TOM1: variants seen among roughly 807,000 people sequenced by gnomAD.
TOM1 encodes target of myb1 membrane trafficking protein, also known as target of Myb protein 1.
In TOM1, 38 loss-of-function variants were observed where a neutral mutation model predicts 61.3. That is an observed-to-expected ratio of 0.62 (90% CI 0.48 to 0.81). The LOEUF is 0.81. Among genes scored for constraint, TOM1 ranks in the 40% least tolerant of loss-of-function variants. TOM1 has a pLI of 0.00. For missense variants in TOM1, 591 were observed against 659.6 expected, an observed-to-expected ratio of 0.90 and a Z score of 1.14; for synonymous variants, 270 against 268.8, an observed-to-expected ratio of 1.00 and a Z score of -0.04.
In TOM1 at chr22:35,347,314, G is replaced by A; in HGVS notation, c.*105G>A. ...GTTAAGGCTGCTTTGGGGGTGGCTT[G>A]TTACCCCCTTTTCCTCCTCTTTGAA... is the stretch of plus-strand genomic sequence containing the variant. On this transcript the variant is annotated 3_prime_UTR_variant, in exon 15 of 15. Transcript: ENST00000449058. 3 of 1,266,226 alleles carry A rather than the reference G, an allele frequency of 2.4e-6. No individual in the cohort carries two copies. Among genetic ancestry groups the A allele is most frequent in the South Asian group, 3.2e-5 (2 of 61,842 alleles). 78.4% of individuals were successfully genotyped at this position (1,266,226 alleles called of 1,614,324 possible).
intron 10 of TOM1, among the ~76,000 whole-genome samples, chr22:35,333,717 C>G (rs529084693): frequency 4.1e-4 from 63 of 152,258 alleles, no homozygotes; most frequent in African/African-American, 1.4e-3. Context: ...CTCAGAAATC[C>G]TACCATCCTA....
chr22:35,300,019 T>C, intron 1 of TOM1, 39 bp downstream of exon 1: 1 of 1,551,896 alleles, frequency 6.4e-7, no homozygotes, highest in South Asian at 1.2e-5. Context: ...GCCCCGGTGC[T>C]CCGCACCCAG....
intron 8 of TOM1, among the ~76,000 whole-genome samples, chr22:35,331,113 T>G (rs971138528): frequency 2.1e-5 from 3 of 143,048 alleles, no homozygotes; most frequent in African/African-American, 8.6e-5. Context: ...TTTTTTTTTT[T>G]GAGGCACGAT....
chr22:35,346,021 C>T (rs947971175), intron 13 of TOM1, among the ~76,000 whole-genome samples: 1 of 152,214 alleles, frequency 6.6e-6, no homozygotes, highest in African/African-American at 2.4e-5. Context: ...AAGGTGAGGT[C>T]CCAGTGGGTG....
chr22:35,323,809 G>A lies in TOM1; in HGVS notation c.543G>A (p.Val181=). The A allele has an allele frequency of 6.2e-7, 1 of 1,613,054 alleles. No homozygotes were observed. Among genetic ancestry groups the A allele is most frequent in the Non-Finnish European group, 8.5e-7 (1 of 1,179,484 alleles). ...NSETQSGQDS[V]GTDSSQQEDS... ...AGACACAATCAGGACAGGATTCTGT[G>A]GGCACTGACTCCAGCCAGCAAGAGG... Residue 181 remains valine, a synonymous_variant, in exon 6 of 15, where the codon GTG becomes GTA. Coordinates refer to ENST00000449058, the MANE Select transcript of TOM1 (RefSeq NM_005488.3). The surrounding 1 kb of genome is among the most constrained non-coding windows in gnomAD (Gnocchi z 4.2).
intron 2 of TOM1, among the ~76,000 whole-genome samples, chr22:35,321,294 C>T (rs1236901459): frequency 6.6e-6 from 1 of 151,760 alleles, no homozygotes; most frequent in Non-Finnish European, 1.5e-5. Context: ...GGCCCCACTC[C>T]CTGAGAATTT....
At chr22:35,306,036 C>G (rs1252495719) in intron 1 of TOM1, among the ~76,000 whole-genome samples, 2 of 152,068 alleles carry the variant, frequency 1.3e-5, no homozygotes, top group African/African-American at 4.8e-5. Flanking sequence ...CTACATAGGC[C>G]ATAGGTAAAT....
intron 3 of TOM1, chr22:35,322,425 A>G: frequency 4.3e-6 from 1 of 235,006 alleles, no homozygotes; most frequent in Non-Finnish European, 8.4e-6. Flanking sequence ...AATAAATACC[A>G]GTGGCTGAGA....
chr22:35,312,078 C>A (rs1016196286), intron 1 of TOM1, among the ~76,000 whole-genome samples: 9 of 151,982 alleles, frequency 5.9e-5, no homozygotes, highest in African/African-American at 2.2e-4. Context: ...GGTGGTGAAA[C>A]CTCATCTCTA....
Position 35,327,304 on chromosome 22 carries a change from A to T in TOM1, c.682A>T (p.Ser228Cys). ...GCTGCGCAGTGAGCTGGAGATGGTGAGTGGGAACGTGAGGGTGATGTCGGA... is the reference window on the plus strand; with the variant it reads ...GCTGCGCAGTGAGCTGGAGATGGTGTGTGGGAACGTGAGGGTGATGTCGGA... The part of the protein sequence containing the change: ...GKLRSELEMV[S>C]GNVRVMSEML... Residue 228 changes from serine (S) to cysteine (C), a missense_variant, in exon 7 of 15, where the codon AGT (serine) becomes TGT (cysteine). Transcript: ENST00000449058. 6.2e-7 allele frequency: 1 copy of T among 1,614,052 alleles called. No individual in the cohort carries two copies. Among genetic ancestry groups the T allele is most frequent in the Non-Finnish European group, 8.5e-7 (1 of 1,180,004 alleles).
In TOM1 at chr22:35,331,218, G is replaced by A. The variant is rs1050491075; in HGVS notation, c.899+738G>A. On this transcript the variant is annotated intron_variant, in intron 8 of 14. Coordinates refer to ENST00000449058, the MANE Select transcript of TOM1 (RefSeq NM_005488.3). Reference sequence around the variant, plus strand: ...TCAAGCAGTCCTCCCACCTCAGCCTGCCAGGTAGCCGGGACTACAGGCATG... The same window carrying A: ...TCAAGCAGTCCTCCCACCTCAGCCTACCAGGTAGCCGGGACTACAGGCATG... 3 of 405,326 alleles carry A rather than the reference G, an allele frequency of 7.4e-6. No homozygotes were observed. The Admixed American group carries it at 8.5e-5, about 11-fold the overall frequency. The allele number at this position is 405,326 out of a possible 1,614,324, so 25.1% of individuals were successfully genotyped here.
At chr22:35,337,068 TG>T (rs1165551986) in intron 11 of TOM1, among the ~76,000 whole-genome samples, 1 of 151,754 alleles carries the variant, frequency 6.6e-6, no homozygotes, top group Non-Finnish European at 1.5e-5. Context: ...CCCGAGTAGC[TG>T]GGGACTACAG....
At chr22:35,325,666 T>A (rs143641128) in intron 6 of TOM1, among the ~76,000 whole-genome samples, 2 of 152,244 alleles carry the variant, frequency 1.3e-5, no homozygotes, top group East Asian at 3.9e-4. Context: ...GGGTTAAAGG[T>A]GTGTAAAAAA....
chr22:35,336,384 G>T (rs972371414), intron 11 of TOM1, among the ~76,000 whole-genome samples: 1 of 152,150 alleles, frequency 6.6e-6, no homozygotes. Flanking sequence ...TACCTGCCTG[G>T]CTCCCCACTT....
intron 7 of TOM1, 67 bp from the exon 8 acceptor site, chr22:35,330,278 CAA>C (rs879087966): frequency 5.8e-4 from 658 of 1,130,102 alleles, no homozygotes; most frequent in Admixed American, 9.5e-4. Context: ...CTCCGTCTCA[CAA>C]AAAAAAAAAG....
intron 12 of TOM1, among the ~76,000 whole-genome samples, chr22:35,339,528 G>A (rs1929685202): frequency 6.6e-6 from 1 of 152,174 alleles, no homozygotes; most frequent in Non-Finnish European, 1.5e-5. Flanking sequence ...AGCTTTACAT[G>A]GAGTTAGAGC....
chr22:35,299,983 G>T lies in TOM1; in HGVS notation c.52+3G>T. On this transcript the variant is annotated splice_donor_region_variant and intron_variant, in intron 1 of 14. Coordinates refer to ENST00000449058, the MANE Select transcript of TOM1 (RefSeq NM_005488.3). Reference sequence around the variant, plus strand: ...CTCTCCAGTGGGACAGCGCATCGGTGAGTCCCTGGAGCCCCCCACAGCTCC... The same window carrying T: ...CTCTCCAGTGGGACAGCGCATCGGTTAGTCCCTGGAGCCCCCCACAGCTCC... The T allele has an allele frequency of 6.4e-7, 1 of 1,569,440 alleles. No homozygotes were observed. The highest frequency in any genetic ancestry group is 1.2e-5 in the South Asian group (1 of 85,846).
At chr22:35,333,631 G>A in intron 10 of TOM1, 134 bp downstream of exon 10, 6 of 768,942 alleles carry the variant, frequency 7.8e-6, no homozygotes, top group South Asian at 5.2e-5. Flanking sequence ...GGGGTCCCAG[G>A]CTGAATCTTG....
At chr22:35,319,421 G>A (rs1927582211) in intron 2 of TOM1, among the ~76,000 whole-genome samples, 1 of 152,198 alleles carries the variant, frequency 6.6e-6, no homozygotes, top group South Asian at 2.1e-4. Context: ...TTGCTAAAGT[G>A]TCTCCCCCAC....
Sources: allele counts gnomAD v4.1 joint callset (sites outside exome capture counted in the v4.1 genomes callset), GRCh38; gene constraint gnomAD v4.1.1; non-coding constraint Gnocchi (gnomAD v3.1); transcripts MANE v1.5; gene names NCBI Gene and HGNC (gene_info 2026-07-23, HGNC 2026-07-21).